JARID2: variants seen among roughly 807,000 people sequenced by gnomAD.
The protein encoded by JARID2 is protein Jumonji.
JARID2 carries 21 observed loss-of-function variants against 125.6 expected under a neutral mutation model. The ratio of observed to expected loss-of-function variants is 0.17; its 90% CI spans 0.12 to 0.24. The LOEUF is 0.24. Ranked by LOEUF, JARID2 falls within the 10% of genes least tolerant of loss-of-function variation. JARID2 has a pLI of 1.00. For synonymous variants in JARID2, 736 were observed against 661.6 expected, an observed-to-expected ratio of 1.11 and a Z score of -1.73; for missense variants, 1,303 against 1,639.6, an observed-to-expected ratio of 0.79 and a Z score of 3.55.
At chr6:15,355,729 G>A (rs192587561) in intron 1 of JARID2, among the ~76,000 whole-genome samples, 7 of 151,870 alleles carry the variant, frequency 4.6e-5, no homozygotes, top group African/African-American at 7.3e-5. Flanking sequence ...CTCGTGCCTC[G>A]GTCTCCAGAG....
intron 1 of JARID2, among the ~76,000 whole-genome samples, chr6:15,341,961 C>T (rs1033156889): frequency 6.6e-6 from 1 of 151,722 alleles, no homozygotes; most frequent in African/African-American, 2.4e-5. Flanking sequence ...TTTACAAGAG[C>T]AATATATTTT....
intron 2 of JARID2, among the ~76,000 whole-genome samples, chr6:15,376,966 T>C (rs1180648461): frequency 2.6e-5 from 4 of 152,218 alleles, no homozygotes; most frequent in African/African-American, 9.6e-5. Context: ...CATATATATG[T>C]GGACGTGTCT....
At chr6:15,266,213 T>G (rs1760077664) in intron 1 of JARID2, among the ~76,000 whole-genome samples, 1 of 152,180 alleles carries the variant, frequency 6.6e-6, no homozygotes, top group Non-Finnish European at 1.5e-5. Flanking sequence ...TTGGTACTGA[T>G]TAAGCAGAGT....
intron 2 of JARID2, among the ~76,000 whole-genome samples, chr6:15,393,559 T>G (rs775555572): frequency 1.9e-4 from 29 of 152,188 alleles, no homozygotes; most frequent in Non-Finnish European, 3.8e-4. Flanking sequence ...TGTGGAAAAA[T>G]TCAAGATTTC....
At chr6:15,371,927 G>A (rs1382546687) in intron 1 of JARID2, among the ~76,000 whole-genome samples, 1 of 152,190 alleles carries the variant, frequency 6.6e-6, no homozygotes, top group Non-Finnish European at 1.5e-5. Flanking sequence ...TCTCAGCCTG[G>A]CAGGCTTCTG....
intron 1 of JARID2, among the ~76,000 whole-genome samples, chr6:15,371,410 G>A (rs1185542990): frequency 6.6e-6 from 1 of 152,198 alleles, no homozygotes; most frequent in African/African-American, 2.4e-5. Flanking sequence ...TTCGAACAGT[G>A]AGAATAGGAA....
intron 1 of JARID2, among the ~76,000 whole-genome samples, chr6:15,331,355 AC>A (rs1054415253): frequency 3.3e-5 from 5 of 150,952 alleles, no homozygotes; most frequent in African/African-American, 9.8e-5. Context: ...AAAAACAAAA[AC>A]AAAAAAAACA....
intron 1 of JARID2, among the ~76,000 whole-genome samples, chr6:15,285,187 T>G (rs1262785229): frequency 6.8e-6 from 1 of 146,858 alleles, no homozygotes; most frequent in African/African-American, 2.5e-5. Context: ...CTTGGCTCAC[T>G]GCAACCTCCG....
At position 15,445,838 on chromosome 6, in the gene JARID2, G is replaced by A. The variant is rs539648396; in HGVS notation, c.324-6168G>A. ...CAAGTGGCATGGTAAATTCTTAAGG[G>A]AGGGCCATGTAGGCTGGTGCCTAGT... On this transcript the variant is annotated intron_variant, in intron 3 of 17. Transcript: ENST00000341776. Among the ~76,000 whole-genome samples, 29 of 152,340 alleles carry A rather than the reference G, an allele frequency of 1.9e-4. No homozygotes were observed. The South Asian group carries it at 5.8e-3, about 30-fold the overall frequency.
At chr6:15,445,008 A>G (rs3846950) in intron 3 of JARID2, among the ~76,000 whole-genome samples, 2 of 152,020 alleles carry the variant, frequency 1.3e-5, no homozygotes, top group African/African-American at 4.8e-5. Context: ...TTTGCAGGCT[A>G]TCAGAAATCC....
intron 1 of JARID2, among the ~76,000 whole-genome samples, chr6:15,326,492 G>A (rs1160556756): frequency 1.3e-5 from 2 of 152,122 alleles, no homozygotes; most frequent in African/African-American, 4.8e-5. Flanking sequence ...CGCCTGGCCT[G>A]TCAGTATTAA....
chr6:15,507,022 T>C (rs1771037351), intron 9 of JARID2, 114 bp from the exon 10 acceptor site: 1 of 703,860 alleles, frequency 1.4e-6, no homozygotes, highest in Admixed American at 2.2e-5. Flanking sequence ...AGAGAGCGTC[T>C]GTTCTGAGGG....
At chr6:15,285,416 C>T (rs986482160) in intron 1 of JARID2, among the ~76,000 whole-genome samples, 10 of 152,076 alleles carry the variant, frequency 6.6e-5, no homozygotes, top group East Asian at 3.9e-4. Flanking sequence ...TGAGCCACCG[C>T]GCCCAGCCGT....
chr6:15,382,503 G>T (rs558361113), intron 2 of JARID2, among the ~76,000 whole-genome samples: 1 of 152,182 alleles, frequency 6.6e-6, no homozygotes. Flanking sequence ...TGCAATGGCC[G>T]GTTTCCGTGG....
chr6:15,247,913 A>G, intron 1 of JARID2: 1 of 985,470 alleles, frequency 1.0e-6, no homozygotes, highest in African/African-American at 1.7e-5. Context: ...TAGAAACTGC[A>G]CTGAGGCAAC....
intron 3 of JARID2, among the ~76,000 whole-genome samples, chr6:15,445,884 T>A (rs1767652981): frequency 6.6e-6 from 1 of 152,134 alleles, no homozygotes; most frequent in Admixed American, 6.5e-5. Flanking sequence ...TTGTTTTCGT[T>A]TTCAAATATC....
Position 15,496,908 on chromosome 6 carries a change from G to T in JARID2, c.1683G>T (p.Arg561Ser), listed in dbSNP as rs758346136. 5.0e-6 allele frequency: 8 copies of T among 1,601,738 alleles called. No individual in the cohort carries two copies. Among genetic ancestry groups the T allele is most frequent in the Non-Finnish European group, 6.8e-6 (8 of 1,171,908 alleles). ...CCATGGACGAGATCCCCGTCCTCAG[G>T]CCCTCCGCCAAGGAGTTCCACGATC... ...WAAMDEIPVL[R>S]PSAKEFHDPL... The change falls in exon 7 of 18, where the codon AGG (arginine) becomes AGT (serine). Residue 561 changes from arginine to serine, a missense_variant. Coordinates refer to ENST00000341776, the MANE Select transcript of JARID2 (RefSeq NM_004973.4).
intron 1 of JARID2, among the ~76,000 whole-genome samples, chr6:15,308,846 T>C (rs1412696837): frequency 6.6e-6 from 1 of 152,220 alleles, no homozygotes; most frequent in Non-Finnish European, 1.5e-5. Context: ...ATAGGCTGTG[T>C]GCTTGGATAA....
intron 3 of JARID2, among the ~76,000 whole-genome samples, chr6:15,445,343 T>C (rs1767628835): frequency 6.6e-6 from 1 of 152,224 alleles, no homozygotes; most frequent in Admixed American, 6.5e-5. Flanking sequence ...ACTTTCCAAA[T>C]AATGTTAGTG....
Sources: allele counts gnomAD v4.1 joint callset (sites outside exome capture counted in the v4.1 genomes callset), GRCh38; gene constraint gnomAD v4.1.1; transcripts MANE v1.5; gene names NCBI Gene and HGNC (gene_info 2026-07-23, HGNC 2026-07-21).